Variants in FRMD4A observed in about 807,000 individuals in gnomAD.
FRMD4A encodes FERM domain-containing protein 4A.
Under a neutral mutation model 129.1 loss-of-function variants are expected in FRMD4A, and 29 were observed. The ratio of observed to expected loss-of-function variants is 0.22; its 90% CI spans 0.17 to 0.31. The LOEUF (loss-of-function observed/expected upper bound fraction) is 0.31. FRMD4A is among the 10% of genes least tolerant of loss of function. The probability of loss-of-function intolerance (pLI) is 1.00; values close to 1 mark genes in which losing one functional copy is unlikely to be tolerated. For missense variants in FRMD4A, 1,272 were observed against 1,375.8 expected (o/e 0.92, Z 1.19); for synonymous variants, 634 against 571.6 (o/e 1.11, Z -1.56).
At chr10:13,739,772 C>T (rs2090876593) in intron 11 of FRMD4A, among the ~76,000 whole-genome samples, 3 of 152,190 alleles carry the variant, frequency 2.0e-5, no homozygotes, top group Non-Finnish European at 2.9e-5. Context: ...CCAAGTCCTC[C>T]ACAACCTCCA....
At chr10:14,022,407 G>T (rs980914549) in intron 2 of FRMD4A, among the ~76,000 whole-genome samples, 2 of 152,322 alleles carry the variant, frequency 1.3e-5, no homozygotes, top group East Asian at 3.9e-4. Flanking sequence ...AATTATAAGA[G>T]ATAGGCTTAA....
intron 12 of FRMD4A, among the ~76,000 whole-genome samples, chr10:13,716,960 C>T (rs1351702035): frequency 2.0e-5 from 2 of 100,650 alleles, no homozygotes; most frequent in South Asian, 3.0e-4. Flanking sequence ...TATCCTCTGC[C>T]CCCTGATGTA....
intron 2 of FRMD4A, among the ~76,000 whole-genome samples, chr10:14,244,338 A>T (rs887968059): frequency 6.6e-6 from 1 of 152,108 alleles, no homozygotes; most frequent in Non-Finnish European, 1.5e-5. Flanking sequence ...GTTAGGTGGA[A>T]CCCAGTGACT....
chr10:13,954,634 C>A (rs1193722826), intron 2 of FRMD4A, among the ~76,000 whole-genome samples: 1 of 152,092 alleles, frequency 6.6e-6, no homozygotes, highest in Non-Finnish European at 1.5e-5. Flanking sequence ...CCCCTTCCAG[C>A]ACCATCAGGG....
At chr10:14,157,389 C>G (rs372170433) in intron 2 of FRMD4A, among the ~76,000 whole-genome samples, 2 of 152,168 alleles carry the variant, frequency 1.3e-5, no homozygotes. Context: ...AACCACGGCA[C>G]GAATTTAGGA....
intron 2 of FRMD4A, among the ~76,000 whole-genome samples, chr10:13,902,916 C>T (rs1001763147): frequency 6.6e-6 from 1 of 151,778 alleles, no homozygotes; most frequent in Admixed American, 6.6e-5. Flanking sequence ...ACCCAGGTCT[C>T]TGATTCTTAG....
chr10:14,315,153 A>G (rs1255389224), intron 2 of FRMD4A, among the ~76,000 whole-genome samples: 1 of 151,854 alleles, frequency 6.6e-6, no homozygotes, highest in East Asian at 1.9e-4. Context: ...TGCCTCATCC[A>G]TGGATCCCGG....
At chr10:13,937,810 C>A (rs1289245128) in intron 2 of FRMD4A, among the ~76,000 whole-genome samples, 2 of 152,186 alleles carry the variant, frequency 1.3e-5, no homozygotes, top group Non-Finnish European at 2.9e-5. Context: ...TATCAGTAGA[C>A]AAATCTCTTA....
At chr10:13,902,488 A>AGAGAGAGAGAGAGAGT (rs1371838262) in intron 2 of FRMD4A, among the ~76,000 whole-genome samples, 1 of 151,554 alleles carries the variant, frequency 6.6e-6, no homozygotes, top group Admixed American at 6.6e-5. Flanking sequence ...AGAGAGAGAG[A>AGAGAGAGAGAGAGAGT]GAGTGACAGA....
chr10:13,984,457 C>T (rs1172118077), intron 2 of FRMD4A, among the ~76,000 whole-genome samples: 1 of 152,156 alleles, frequency 6.6e-6, no homozygotes. Flanking sequence ...TAAGTATATT[C>T]ACAGCGTTGT....
At chr10:14,040,550 A>C (rs968139509) in intron 2 of FRMD4A, among the ~76,000 whole-genome samples, 5 of 152,234 alleles carry the variant, frequency 3.3e-5, no homozygotes, top group African/African-American at 1.2e-4. Flanking sequence ...CATTCATCTG[A>C]GACTAACTGC....
chr10:14,260,859 G>A (rs1189170035), intron 2 of FRMD4A, among the ~76,000 whole-genome samples: 1 of 152,196 alleles, frequency 6.6e-6, no homozygotes, highest in Non-Finnish European at 1.5e-5. Flanking sequence ...AAAGCAAACA[G>A]AGTGGCATAA....
intron 3 of FRMD4A, among the ~76,000 whole-genome samples, chr10:13,827,939 CT>C (rs368494371): frequency 3.3e-4 from 51 of 152,298 alleles, no homozygotes; most frequent in African/African-American, 1.2e-3. Context: ...AGCCCCTCCC[CT>C]GTCTCTACTG....
At chr10:13,701,246 G>A (rs1007163990) in intron 14 of FRMD4A, 94 bp downstream of exon 14, 4 of 1,175,336 alleles carry the variant, frequency 3.4e-6, no homozygotes, top group Non-Finnish European at 5.0e-6. Context: ...ACCCGGGCAA[G>A]GGACATGGCG....
At chr10:13,653,913 G>A (rs938421898) in intron 23 of FRMD4A, 1 of 178,744 alleles carries the variant, frequency 5.6e-6, no homozygotes, top group Non-Finnish European at 1.2e-5. Flanking sequence ...AAGGCTTCAG[G>A]GCACCTGATC....
At chr10:14,196,396 G>T (rs1160398543) in intron 2 of FRMD4A, among the ~76,000 whole-genome samples, 3 of 152,176 alleles carry the variant, frequency 2.0e-5, no homozygotes, top group East Asian at 1.9e-4. Flanking sequence ...TTCCAGACAG[G>T]CTGTAAAACA....
Position 14,212,002 on chromosome 10 carries a change from T to C in FRMD4A, c.45+118056A>G, listed in dbSNP as rs574092815. 1.7e-4 allele frequency among the ~76,000 whole-genome samples: 26 copies of C among 152,304 alleles called. No homozygotes were observed. The South Asian group carries it at 4.6e-3, about 27-fold the overall frequency. ...GGTGTAATGAAGCAGCACAGAGCTC[T>C]GAGATGATGCCTGGGGTACAGACAG... On this transcript the variant is annotated intron_variant, in intron 2 of 24. Transcript: ENST00000357447.
intron 2 of FRMD4A, among the ~76,000 whole-genome samples, chr10:14,094,033 G>A (rs539338459): frequency 6.6e-6 from 1 of 152,350 alleles, no homozygotes; most frequent in Admixed American, 6.5e-5. Flanking sequence ...TTGCCGAAAA[G>A]GCCGTGGCAA....
At chr10:13,913,069 A>AT (rs1345934907) in intron 2 of FRMD4A, among the ~76,000 whole-genome samples, 1 of 144,308 alleles carries the variant, frequency 6.9e-6, no homozygotes, top group Non-Finnish European at 1.5e-5. Flanking sequence ...GTAAAACTCC[A>AT]TTTAAAAAAA....
Sources: gnomAD v4.1 joint callset for allele counts (sites outside exome capture counted in the v4.1 genomes callset) on GRCh38, gnomAD v4.1.1 for gene constraint, MANE v1.5 for transcripts, NCBI Gene and HGNC (gene_info 2026-07-23, HGNC 2026-07-21) for gene names.